Variants in CHCHD6 observed in about 807,000 individuals in gnomAD.
CHCHD6 encodes coiled-coil-helix-coiled-coil-helix domain containing 6.
In CHCHD6, 28 loss-of-function variants were observed where a neutral mutation model predicts 32.3. That is an observed-to-expected ratio of 0.87 (90% CI 0.64 to 1.19). The LOEUF is 1.19. CHCHD6 is among the 50% of genes most tolerant of loss of function. The pLI is 0.00. For missense variants in CHCHD6, 333 were observed against 307.0 expected, an observed-to-expected ratio of 1.08 and a Z score of -0.63; for synonymous variants, 122 against 117.5, an observed-to-expected ratio of 1.04 and a Z score of -0.25.
chr3:126,880,078 A>G (rs2077589019), intron 5 of CHCHD6, among the ~76,000 whole-genome samples: 1 of 152,230 alleles, frequency 6.6e-6, no homozygotes, highest in Non-Finnish European at 1.5e-5. Flanking sequence ...AAAAGTAGCC[A>G]TCAGCTCTGC....
chr3:126,792,584 T>A (rs1938606437), intron 4 of CHCHD6, among the ~76,000 whole-genome samples: 1 of 152,224 alleles, frequency 6.6e-6, no homozygotes. Context: ...ATTTTTCTTC[T>A]GATTTTTAAT....
At chr3:126,866,662 T>C (rs1942298226) in intron 5 of CHCHD6, among the ~76,000 whole-genome samples, 1 of 152,240 alleles carries the variant, frequency 6.6e-6, no homozygotes. Flanking sequence ...TTAAATCACC[T>C]ACAATGATCT....
At chr3:126,722,954 C>T (rs1170175142) in intron 1 of CHCHD6, among the ~76,000 whole-genome samples, 8 of 152,098 alleles carry the variant, frequency 5.3e-5, no homozygotes, top group East Asian at 1.9e-4. Context: ...GTTTAGGTCT[C>T]GGATCTGTTT....
intron 5 of CHCHD6, among the ~76,000 whole-genome samples, chr3:126,874,935 CTGCCTTGGGG>C (rs1175278495): frequency 1.3e-5 from 2 of 152,208 alleles, no homozygotes; most frequent in African/African-American, 4.8e-5. Flanking sequence ...GGACCTGCTT[CTGCCTTGGGG>C]TGCACTTGGT....
chr3:126,959,011 G>A (rs1368982068), intron 7 of CHCHD6, among the ~76,000 whole-genome samples: 3 of 152,182 alleles, frequency 2.0e-5, no homozygotes, highest in African/African-American at 7.2e-5. Context: ...CAGGGCCTAC[G>A]CCTCAGTGGC....
At chr3:126,718,979 C>G (rs1935151372) in intron 1 of CHCHD6, among the ~76,000 whole-genome samples, 1 of 152,228 alleles carries the variant, frequency 6.6e-6, no homozygotes, top group African/African-American at 2.4e-5. Flanking sequence ...TCATTAACCT[C>G]TTACAAACCA....
rs186187407 is a variant in CHCHD6 at position 126,864,660 on chromosome 3, C to T, written c.495+11930C>T. Among the ~76,000 whole-genome samples, 6 of 150,264 alleles carry T rather than the reference C, an allele frequency of 4.0e-5. No individual in the cohort carries two copies. The East Asian group carries it at 1.2e-3, about 30-fold the overall frequency. On this transcript the variant is annotated intron_variant, in intron 5 of 7. Coordinates refer to ENST00000290913, the MANE Select transcript of CHCHD6 (RefSeq NM_032343.3). ...ACCATTACCTTTTTTCCTCCTCCTC[C>T]ACCTCCTCCACCATCATCTCCTCCT...
At chr3:126,819,799 C>A (rs1278930883) in intron 4 of CHCHD6, among the ~76,000 whole-genome samples, 1 of 152,242 alleles carries the variant, frequency 6.6e-6, no homozygotes, top group East Asian at 1.9e-4. Context: ...GCGTAGAGAA[C>A]ATGGAAAGGC....
intron 4 of CHCHD6, among the ~76,000 whole-genome samples, chr3:126,793,405 A>G (rs527793276): frequency 1.3e-5 from 2 of 151,978 alleles, no homozygotes; most frequent in Non-Finnish European, 2.9e-5. Flanking sequence ...TTTAGTGGTT[A>G]CTCTATGGAT....
intron 5 of CHCHD6, among the ~76,000 whole-genome samples, chr3:126,863,272 G>T (rs1255091046): frequency 3.7e-4 from 15 of 40,334 alleles, no homozygotes; most frequent in South Asian, 1.8e-3. Flanking sequence ...CATCACAACC[G>T]CCTCCTCCAC....
chr3:126,890,259 C>T (rs1473445035), intron 5 of CHCHD6, among the ~76,000 whole-genome samples: 1 of 152,226 alleles, frequency 6.6e-6, no homozygotes, highest in African/African-American at 2.4e-5. Flanking sequence ...GAGGCTCAGC[C>T]ACTTCCTGGG....
chr3:126,935,002 G>C (rs1372306565), intron 6 of CHCHD6: 1 of 330,460 alleles, frequency 3.0e-6, no homozygotes, highest in African/African-American at 2.2e-5. Flanking sequence ...TGGACGAGAA[G>C]ACAGTTTTTA....
chr3:126,916,468 G>A (rs1450852170), intron 6 of CHCHD6, among the ~76,000 whole-genome samples: 1 of 152,010 alleles, frequency 6.6e-6, no homozygotes, highest in African/African-American at 2.4e-5. Flanking sequence ...CTAGGAGCCT[G>A]AGAGGAGGAG....
At chr3:126,776,649 T>C (rs1937662017) in intron 4 of CHCHD6, among the ~76,000 whole-genome samples, 1 of 152,238 alleles carries the variant, frequency 6.6e-6, no homozygotes, top group Non-Finnish European at 1.5e-5. Context: ...CAATCATATT[T>C]ACTTTACATA....
intron 6 of CHCHD6, among the ~76,000 whole-genome samples, chr3:126,942,913 T>TG (rs1189706418): frequency 5.3e-5 from 8 of 152,144 alleles, no homozygotes; most frequent in Non-Finnish European, 1.0e-4. Context: ...CATCTGTGTG[T>TG]GGGGGGGAGT....
At position 126,780,731 on chromosome 3, in the gene CHCHD6, C is replaced by A. The variant is rs146265105; in HGVS notation, c.411+47509C>A. Among the ~76,000 whole-genome samples the A allele has an allele frequency of 1.5e-3, 224 of 152,276 alleles. 2 individuals carry two copies. The highest frequency in any genetic ancestry group is 6.6e-4 in the Non-Finnish European group (45 of 68,030). ...CAAGGTGTGTGAAGAGGCTGTGCTT[C>A]AGGGTAATGCTGCTGTGTGTGGACT... On this transcript the variant is annotated intron_variant, in intron 4 of 7. Coordinates refer to ENST00000290913, the MANE Select transcript of CHCHD6 (RefSeq NM_032343.3).
At chr3:126,808,109 C>T (rs1031212559) in intron 4 of CHCHD6, among the ~76,000 whole-genome samples, 2 of 152,166 alleles carry the variant, frequency 1.3e-5, no homozygotes, top group African/African-American at 4.8e-5. Flanking sequence ...GTTAGGGCTA[C>T]GATCATCCGA....
intron 6 of CHCHD6, among the ~76,000 whole-genome samples, chr3:126,923,807 G>C (rs1158018387): frequency 1.3e-5 from 2 of 152,236 alleles, no homozygotes; most frequent in African/African-American, 4.8e-5. Flanking sequence ...TCGATGCATG[G>C]TAGGTGTTGT....
chr3:126,878,570 A>T (rs1447886244), intron 5 of CHCHD6, among the ~76,000 whole-genome samples: 1 of 152,252 alleles, frequency 6.6e-6, no homozygotes, highest in Non-Finnish European at 1.5e-5. Context: ...GATATAAAAC[A>T]TATGGAAGTA....
Sources: gnomAD v4.1 joint callset for allele counts (sites outside exome capture counted in the v4.1 genomes callset) on GRCh38, gnomAD v4.1.1 for gene constraint, MANE v1.5 for transcripts, NCBI Gene and HGNC (gene_info 2026-07-23, HGNC 2026-07-21) for gene names.